SIPA1L3: variants seen among roughly 807,000 people sequenced by gnomAD.
SIPA1L3 encodes the protein signal induced proliferation associated 1 like 3, also known as signal-induced proliferation-associated 1-like protein 3.
Under a neutral mutation model 150.1 loss-of-function variants are expected in SIPA1L3, and 59 were observed. That is an observed-to-expected ratio of 0.39 (90% CI 0.32 to 0.49). SIPA1L3 has a LOEUF of 0.49. Among genes scored for constraint, SIPA1L3 ranks in the 20% least tolerant of loss-of-function variants. The pLI is 0.86. For synonymous variants in SIPA1L3, 1,070 were observed against 1,077.6 expected (o/e 0.99, Z 0.14); for missense variants, 2,211 against 2,489.5 (o/e 0.89, Z 2.38).
At chr19:38,099,835 T>C in intron 4 of SIPA1L3, 127 bp from the exon 5 acceptor site, 1 of 795,834 alleles carries the variant, frequency 1.3e-6, no homozygotes, top group Non-Finnish European at 1.9e-6. Context: ...CTTAGGGCTT[T>C]CTGACCTTAG....
rs1224339466 is a variant in SIPA1L3, at chr19:38,206,471, A to G, written c.*231A>G. 7.9e-6 allele frequency: 4 copies of G among 505,760 alleles called. No individual in the cohort carries two copies. Among genetic ancestry groups the G allele is most frequent in the Non-Finnish European group, 1.4e-5 (4 of 291,078 alleles). The allele number at this position is 505,760 out of a possible 1,614,324, so 31.3% of individuals were successfully genotyped here. ...TCTCAGGCCTCCCTCCAAGCTGCCC[A>G]GCTGTGGTCCCGGTGAGCTGGGCTG... On this transcript the variant is annotated 3_prime_UTR_variant, in exon 22 of 22. Transcript: ENST00000222345.
intron 8 of SIPA1L3, among the ~76,000 whole-genome samples, chr19:38,111,046 C>T (rs1324699896): frequency 6.8e-6 from 1 of 146,054 alleles, no homozygotes; most frequent in African/African-American, 2.6e-5. Flanking sequence ...TTTTTTAAGA[C>T]AGGGTCTCAC....
At chr19:38,150,794 G>A (rs1396062596) in intron 12 of SIPA1L3, among the ~76,000 whole-genome samples, 1 of 151,850 alleles carries the variant, frequency 6.6e-6, no homozygotes, top group African/African-American at 2.4e-5. Flanking sequence ...GCCTGCCTCG[G>A]CCTCCCAAAG....
chr19:38,142,446 G>T (rs1021266051), intron 11 of SIPA1L3, 127 bp from the exon 12 acceptor site: 2 of 1,024,216 alleles, frequency 2.0e-6, no homozygotes, highest in Non-Finnish European at 2.8e-6. Flanking sequence ...GTGGCTGGGC[G>T]GGGGAAAGTT....
intron 12 of SIPA1L3, among the ~76,000 whole-genome samples, chr19:38,148,980 C>T (rs111357551): frequency 0.015 from 2,349 of 152,276 alleles, 38 homozygotes; most frequent in Middle Eastern, 0.061. Flanking sequence ...TGGAATGTCC[C>T]GATTTCTAAT....
chr19:38,082,327 C>T lies in SIPA1L3; in HGVS notation c.762C>T (p.Gly254=), dbSNP rs762581159. Residue 254 remains glycine (G), a synonymous_variant, in exon 3 of 22, where the codon GGC becomes GGT. Transcript: ENST00000222345. The part of the protein sequence containing the change: ...ADPGPHLMGG[G]GGAKGDSHNG... Reference sequence around the variant, plus strand: ...CTGGCCCACACCTCATGGGGGGCGGCGGCGGAGCCAAGGGGGACTCCCACA... The same window carrying T: ...CTGGCCCACACCTCATGGGGGGCGGTGGCGGAGCCAAGGGGGACTCCCACA... 14 of 1,598,314 alleles carry T rather than the reference C, an allele frequency of 8.8e-6. No individual in the cohort carries two copies. The highest frequency in any genetic ancestry group is 1.7e-5 in the Admixed American group (1 of 59,850).
chr19:38,177,776 A>G (rs1032986122), intron 15 of SIPA1L3, among the ~76,000 whole-genome samples: 1 of 152,206 alleles, frequency 6.6e-6, no homozygotes, highest in African/African-American at 2.4e-5. Flanking sequence ...CTGTGATCCC[A>G]GCACCTTGGG....
chr19:38,101,559 C>T (rs1386138252), intron 6 of SIPA1L3, among the ~76,000 whole-genome samples: 2 of 152,050 alleles, frequency 1.3e-5, no homozygotes, highest in Non-Finnish European at 2.9e-5. Context: ...TACAGGTGTG[C>T]ACCACCACAC....
chr19:37,935,336 A>C (rs2046590930), intron 1 of SIPA1L3, among the ~76,000 whole-genome samples: 1 of 152,158 alleles, frequency 6.6e-6, no homozygotes, highest in African/African-American at 2.4e-5. Context: ...TGTGCAAGAG[A>C]TTTTTGTTGG....
At chr19:38,034,335 C>G (rs1267229354) in intron 2 of SIPA1L3, among the ~76,000 whole-genome samples, 1 of 152,172 alleles carries the variant, frequency 6.6e-6, no homozygotes, top group Non-Finnish European at 1.5e-5. Flanking sequence ...TGCATGATCT[C>G]ATTCAGTTCT....
chr19:37,964,095 C>T (rs1037697289), intron 1 of SIPA1L3: 1 of 152,200 alleles, frequency 6.6e-6, no homozygotes, highest in Non-Finnish European at 1.5e-5. Context: ...TATTTCCCTT[C>T]ACCCATAAAT....
intron 2 of SIPA1L3, among the ~76,000 whole-genome samples, chr19:38,063,538 A>G (rs755993521): frequency 3.3e-5 from 5 of 152,242 alleles, no homozygotes; most frequent in Non-Finnish European, 5.9e-5. Context: ...GGCCCAACAG[A>G]TGCGGTCTTA....
At chr19:37,965,022 T>TTTTC (rs2046890693) in intron 1 of SIPA1L3, among the ~76,000 whole-genome samples, 1 of 152,200 alleles carries the variant, frequency 6.6e-6, no homozygotes, top group Non-Finnish European at 1.5e-5. Context: ...TGTAAATGCA[T>TTTTC]TAGCATGAAA....
At chr19:38,097,222 T>C (rs576636036) in intron 4 of SIPA1L3, among the ~76,000 whole-genome samples, 4 of 152,178 alleles carry the variant, frequency 2.6e-5, no homozygotes, top group Non-Finnish European at 1.5e-5. Flanking sequence ...TGGTGGCACA[T>C]GCCTATAGTC....
At chr19:37,977,544 G>C (rs1967103846) in intron 1 of SIPA1L3, among the ~76,000 whole-genome samples, 1 of 152,160 alleles carries the variant, frequency 6.6e-6, no homozygotes, top group African/African-American at 2.4e-5. Context: ...GTTTGGATCA[G>C]GTGGGTGGGC....
intron 1 of SIPA1L3, among the ~76,000 whole-genome samples, chr19:38,017,445 CAA>C (rs2145693525): frequency 6.6e-6 from 1 of 152,182 alleles, no homozygotes; most frequent in East Asian, 1.9e-4. Flanking sequence ...TGAGCCTAAA[CAA>C]ATCTTCACCA....
intron 12 of SIPA1L3, among the ~76,000 whole-genome samples, chr19:38,143,732 T>A (rs1373048623): frequency 6.6e-6 from 1 of 151,836 alleles, no homozygotes; most frequent in East Asian, 1.9e-4. Context: ...AGAGACGGAT[T>A]TTCACCATGC....
At chr19:38,204,282 C>T in intron 21 of SIPA1L3, 74 bp downstream of exon 21, 1 of 1,269,248 alleles carries the variant, frequency 7.9e-7, no homozygotes, top group Admixed American at 2.0e-5. Flanking sequence ...GGATCAGGCA[C>T]CTGCCCCCGC....
rs370209133 is a variant in SIPA1L3, at chr19:38,027,287, C to CA, written c.-378-1793dup. Among the ~76,000 whole-genome samples, 880 of 150,702 alleles carry CA rather than the reference C, an allele frequency of 5.8e-3. 7 individuals are homozygous for CA. Among genetic ancestry groups the CA allele is most frequent in the African/African-American group, 0.02 (842 of 41,090 alleles). The stretch of plus-strand genomic sequence containing the variant: ...TGGGCAGTAGATCAAGACTCCATCT[C>CA]AAAAAAAAAGAAATTATTCTGAGGA... On this transcript the variant is annotated intron_variant, in intron 1 of 21. Transcript: ENST00000222345.
Sources: gnomAD v4.1 joint callset for allele counts (sites outside exome capture counted in the v4.1 genomes callset) on GRCh38, gnomAD v4.1.1 for gene constraint, MANE v1.5 for transcripts, NCBI Gene and HGNC (gene_info 2026-07-23, HGNC 2026-07-21) for gene names.